PCBP3: variants seen among roughly 807,000 people sequenced by gnomAD.
PCBP3 encodes the protein poly(rC) binding protein 3, also known as poly(rC)-binding protein 3.
Under a neutral mutation model 52.7 loss-of-function variants are expected in PCBP3, and 25 were observed. The ratio of observed to expected loss-of-function variants is 0.47; its 90% confidence interval spans 0.35 to 0.66. The LOEUF is 0.66. Among genes scored for constraint, PCBP3 ranks in the 30% least tolerant of loss-of-function variants. The probability of loss-of-function intolerance (pLI) is 0.01; values close to 1 mark genes in which losing one functional copy is unlikely to be tolerated. For missense variants in PCBP3, 391 were observed against 490.3 expected (o/e 0.80, Z 1.91); for synonymous variants, 162 against 183.0 (o/e 0.89, Z 0.93).
At chr21:45,678,192 A>G (rs976602304) in intron 2 of PCBP3, among the ~76,000 whole-genome samples, 5 of 151,578 alleles carry the variant, frequency 3.3e-5, no homozygotes, top group African/African-American at 1.2e-4. Flanking sequence ...ATACAAAAAA[A>G]TTACTCGGGA....
At chr21:45,765,537 G>A (rs1055952402) in intron 4 of PCBP3, among the ~76,000 whole-genome samples, 12 of 152,174 alleles carry the variant, frequency 7.9e-5, no homozygotes, top group African/African-American at 1.7e-4. Context: ...CCCAGGGTGC[G>A]CGCTGCCCCT....
At chr21:45,809,137 G>A (rs1446376483) in intron 4 of PCBP3, among the ~76,000 whole-genome samples, 4 of 152,112 alleles carry the variant, frequency 2.6e-5, no homozygotes, top group African/African-American at 9.7e-5. Flanking sequence ...GTGTATACCT[G>A]TGTAACAAAC....
chr21:45,918,853 A>T (rs2073975271), intron 13 of PCBP3: 1 of 148,822 alleles, frequency 6.7e-6, no homozygotes, highest in Non-Finnish European at 1.5e-5. Context: ...ACCCTCAGAT[A>T]AACCACTGGT....
At chr21:45,898,570 A>G (rs868078083) in intron 6 of PCBP3, among the ~76,000 whole-genome samples, 16,735 of 85,478 alleles carry the variant, frequency 0.2, 1,784 homozygotes, top group East Asian at 0.46. Context: ...TCTACACGCC[A>G]TCCTCACAGC....
At chr21:45,759,776 G>C (rs1013935615) in intron 4 of PCBP3, 1 of 152,180 alleles carries the variant, frequency 6.6e-6, no homozygotes, top group African/African-American at 2.4e-5. Flanking sequence ...CCAATCTACA[G>C]TTTCAAAAAC....
At chr21:45,797,759 T>TGCATGGATG (rs2092037630) in intron 4 of PCBP3, among the ~76,000 whole-genome samples, 1 of 904 alleles carries the variant, frequency 1.1e-3, no homozygotes, top group Non-Finnish European at 1.9e-3. Context: ...AGAGAGTGAA[T>TGCATGGATG]GGATGTGCAT....
At chr21:45,840,762 G>A (rs1420256367) in intron 4 of PCBP3, among the ~76,000 whole-genome samples, 2 of 152,124 alleles carry the variant, frequency 1.3e-5, no homozygotes, top group Non-Finnish European at 2.9e-5. Flanking sequence ...TAGCTGGCAT[G>A]TGCCACCATG....
At chr21:45,921,337 T>G (rs1191358154) in intron 13 of PCBP3, among the ~76,000 whole-genome samples, 2 of 152,236 alleles carry the variant, frequency 1.3e-5, no homozygotes, top group Non-Finnish European at 2.9e-5. Context: ...CTAGAGTCAT[T>G]TTTTAGGAAC....
At chr21:45,897,448 G>A (rs1474089358) in intron 6 of PCBP3, among the ~76,000 whole-genome samples, 6 of 152,158 alleles carry the variant, frequency 3.9e-5, no homozygotes, top group African/African-American at 9.7e-5. Context: ...GCTCTGTCCC[G>A]GGGTGTGCCT....
At chr21:45,929,378 C>T (rs965335611) in intron 13 of PCBP3, among the ~76,000 whole-genome samples, 5 of 152,200 alleles carry the variant, frequency 3.3e-5, no homozygotes. Context: ...GTGTTCCCCC[C>T]ACCCCAGGTC....
At chr21:45,686,125 C>G (rs967967646) in intron 2 of PCBP3, among the ~76,000 whole-genome samples, 67 of 152,014 alleles carry the variant, frequency 4.4e-4, no homozygotes, top group African/African-American at 1.6e-3. Context: ...ACCATATTGG[C>G]CAGGCTGGTC....
chr21:45,697,851 G>C (rs914428591), intron 2 of PCBP3, among the ~76,000 whole-genome samples: 13 of 151,904 alleles, frequency 8.6e-5, no homozygotes, highest in Admixed American at 8.5e-4. Context: ...TTTTGAATCA[G>C]CTGTGTCCTA....
chr21:45,678,415 C>T (rs909960072), intron 2 of PCBP3, among the ~76,000 whole-genome samples: 1 of 151,930 alleles, frequency 6.6e-6, no homozygotes, highest in African/African-American at 2.4e-5. Context: ...AATTGAAAAC[C>T]TTCTGAGAGG....
intron 2 of PCBP3, among the ~76,000 whole-genome samples, chr21:45,692,360 A>G (rs1014588120): frequency 5.3e-5 from 8 of 152,154 alleles, no homozygotes; most frequent in African/African-American, 1.7e-4. Context: ...GAAAAGATCA[A>G]CAGAATCTAT....
intron 4 of PCBP3, among the ~76,000 whole-genome samples, chr21:45,796,738 T>C (rs1414071018): frequency 2.0e-5 from 3 of 152,226 alleles, no homozygotes; most frequent in Non-Finnish European, 2.9e-5. Context: ...GTCTTTTTTG[T>C]TAGCATGTTT....
intron 1 of PCBP3, among the ~76,000 whole-genome samples, chr21:45,645,801 G>T (rs1024789123): frequency 6.6e-5 from 10 of 152,174 alleles, no homozygotes; most frequent in Admixed American, 1.3e-4. Flanking sequence ...TGGCTTTATT[G>T]TAAAGGTGAA....
In PCBP3 at chr21:45,817,331, G is replaced by GT. The variant is rs2092995812; in HGVS notation, c.-125-32629dup. On this transcript the variant is annotated intron_variant, in intron 4 of 17. Transcript: ENST00000681687. The surrounding 1 kb of genome is among the most constrained non-coding windows in gnomAD (Gnocchi z 4.3). ...TGTGGCTGTGAGCAGTCCCCGCCTC[G>GT]TGGTACCACATGACATTTAGCGTGT... 6.6e-6 allele frequency among the ~76,000 whole-genome samples: 1 copy of GT among 152,142 alleles called. No individual in the cohort carries two copies. Among genetic ancestry groups the GT allele is most frequent in the South Asian group, 2.1e-4 (1 of 4,836 alleles).
chr21:45,666,802 A>C (rs1219120943), intron 1 of PCBP3, among the ~76,000 whole-genome samples: 1 of 151,268 alleles, frequency 6.6e-6, no homozygotes, highest in Non-Finnish European at 1.5e-5. Context: ...ATCTCAGCTC[A>C]CTGCAACCTA....
intron 9 of PCBP3, among the ~76,000 whole-genome samples, chr21:45,906,103 C>T (rs1274489176): frequency 6.6e-6 from 1 of 152,158 alleles, no homozygotes; most frequent in South Asian, 2.1e-4. Context: ...ACCCCCAGGG[C>T]GTGACTGTCC....
Sources: gnomAD v4.1 joint callset for allele counts (sites outside exome capture counted in the v4.1 genomes callset) on GRCh38, gnomAD v4.1.1 for gene constraint, Gnocchi (gnomAD v3.1) non-coding constraint, MANE v1.5 for transcripts, NCBI Gene and HGNC (gene_info 2026-07-23, HGNC 2026-07-21) for gene names.